The following GALNS variants were observed in gnomAD, a reference collection of about 807,000 sequenced individuals.
The protein encoded by GALNS is galactosamine (N-acetyl)-6-sulfatase.
In GALNS, 65 loss-of-function variants were observed where a neutral mutation model predicts 65.9. The ratio of observed to expected loss-of-function variants is 0.99; its 90% CI spans 0.81 to 1.21. The LOEUF (loss-of-function observed/expected upper bound fraction) is 1.21, where lower values mean the gene tolerates loss of function less well. GALNS is among the 50% of genes most tolerant of loss of function. GALNS has a pLI of 0.00. For missense variants in GALNS, 776 were observed against 700.7 expected (o/e 1.11, Z -1.21); for synonymous variants, 346 against 288.9 (o/e 1.20, Z -2.00).
intron 8 of GALNS, among the ~76,000 whole-genome samples, chr16:88,832,711 T>C (rs1911636821): frequency 6.6e-6 from 1 of 152,198 alleles, no homozygotes; most frequent in African/African-American, 2.4e-5. Context: ...CCTGCTGCTG[T>C]AGCCTGAGCC....
At position 88,824,847 on chromosome 16, in the gene GALNS, C is replaced by A; in HGVS notation, c.1162G>T (p.Asp388Tyr). ...CCGAGGGTGGCCGCCATCAGCGTGT[C>A]GCCACGGTAATAGAAGATAGGCCTG... is the stretch of plus-strand genomic sequence containing the variant. Reference protein sequence around the residue: ...MDRPIFYYRGDTLMAATLGQH... With the variant: ...MDRPIFYYRGYTLMAATLGQH... The change falls in exon 11 of 14, where the codon GAC becomes TAC. Residue 388 changes from aspartate to tyrosine, a missense_variant. By Grantham distance (160) the Asp-to-Tyr change is radical. Coordinates refer to ENST00000268695, the MANE Select transcript of GALNS (RefSeq NM_000512.5). The A allele has an allele frequency of 6.2e-7, 1 of 1,613,274 alleles. No homozygotes were observed. The highest frequency in any genetic ancestry group is 1.1e-5 in the South Asian group (1 of 91,076).
intron 1 of GALNS, among the ~76,000 whole-genome samples, chr16:88,849,521 G>A (rs373909514): frequency 4.3e-4 from 66 of 152,212 alleles, no homozygotes; most frequent in South Asian, 1.7e-3. Flanking sequence ...ACTGACCTCA[G>A]GTGATCCACC....
At chr16:88,833,973 G>GC (rs544168549) in intron 8 of GALNS, among the ~76,000 whole-genome samples, 2 of 152,098 alleles carry the variant, frequency 1.3e-5, no homozygotes, top group Non-Finnish European at 2.9e-5. Flanking sequence ...GTCGAGGTGG[G>GC]CCCCCCCGGG....
chr16:88,822,514 G>C, intron 12 of GALNS, 75 bp downstream of exon 12: 1 of 1,590,678 alleles, frequency 6.3e-7, no homozygotes, highest in Non-Finnish European at 8.6e-7. Context: ...AGAGGGCTCT[G>C]TCCCTGTGGA....
At chr16:88,833,759 GCTTT>G (rs1404295991) in intron 8 of GALNS, among the ~76,000 whole-genome samples, 3 of 152,176 alleles carry the variant, frequency 2.0e-5, no homozygotes, top group Non-Finnish European at 4.4e-5. Flanking sequence ...CCCCTCCCCT[GCTTT>G]CTTTCTCTGG....
intron 8 of GALNS, among the ~76,000 whole-genome samples, chr16:88,833,777 G>GT (rs1567528646): frequency 6.6e-6 from 1 of 152,228 alleles, no homozygotes; most frequent in Non-Finnish European, 1.5e-5. Context: ...TCTCTGGGAT[G>GT]TTCTGTTTCT....
At chr16:88,825,418 G>A (rs1910766493) in intron 10 of GALNS, among the ~76,000 whole-genome samples, 1 of 141,534 alleles carries the variant, frequency 7.1e-6, no homozygotes, top group Non-Finnish European at 1.5e-5. Context: ...CTGGGTGTCT[G>A]GGGTGCCTGG....
intron 13 of GALNS, chr16:88,817,235 C>G (rs1355259784): frequency 3.1e-6 from 3 of 968,758 alleles, no homozygotes; most frequent in South Asian, 4.8e-5. Flanking sequence ...GCTGCGGCCC[C>G]CAGGGCTGGA....
At chr16:88,851,853 G>A (rs58334835) in intron 1 of GALNS, among the ~76,000 whole-genome samples, 1 of 152,260 alleles carries the variant, frequency 6.6e-6, no homozygotes, top group African/African-American at 2.4e-5. Context: ...CAAAGCGGCA[G>A]GGAAGCTCGA....
At chr16:88,844,333 G>C (rs1473121656) in intron 1 of GALNS, 1 of 152,196 alleles carries the variant, frequency 6.6e-6, no homozygotes, top group Non-Finnish European at 1.5e-5. Flanking sequence ...AAATTTTACA[G>C]TGTGTATTGT....
intron 13 of GALNS, chr16:88,816,324 T>G: frequency 2.0e-6 from 2 of 985,172 alleles, no homozygotes; most frequent in African/African-American, 1.7e-5. Context: ...GGAGTGGGAT[T>G]GGGTGTGGAA....
chr16:88,816,000 AGGGAAGG>A, intron 13 of GALNS: 8 of 985,288 alleles, frequency 8.1e-6, no homozygotes, highest in Non-Finnish European at 9.6e-6. Context: ...GACAGAGGGC[AGGGAAGG>A]GGTAAGGAGG....
Position 88,838,306 on chromosome 16 carries a change from T to TG in GALNS, c.423-542dup, listed in dbSNP as rs1912353763. 2.6e-5 allele frequency among the ~76,000 whole-genome samples: 4 copies of TG among 152,214 alleles called. No homozygotes were observed. The South Asian group carries it at 8.3e-4, about 32-fold the overall frequency. ...CGACTGGGCGGGGCGTTGTGTGCCGTGCGGGAGCCCCGGGGCCTGCCAGCT... is the reference window on the plus strand; with the variant it reads ...CGACTGGGCGGGGCGTTGTGTGCCGTGGCGGGAGCCCCGGGGCCTGCCAGCT... On this transcript the variant is annotated intron_variant, in intron 4 of 13. Coordinates refer to ENST00000268695, the MANE Select transcript of GALNS (RefSeq NM_000512.5).
At chr16:88,818,752 T>G (rs1053627297) in intron 12 of GALNS, among the ~76,000 whole-genome samples, 1 of 152,262 alleles carries the variant, frequency 6.6e-6, no homozygotes, top group Non-Finnish European at 1.5e-5. Flanking sequence ...GCACAGATGA[T>G]GCCTTTTCAC....
In GALNS at chr16:88,842,071, C is replaced by G. The variant is rs1028496429; in HGVS notation, c.245-100G>C. 3 of 1,041,130 alleles carry G rather than the reference C, an allele frequency of 2.9e-6. No individual in the cohort carries two copies. In the African/African-American group the frequency reaches 4.7e-5, roughly 16 times the overall value. 64.5% of individuals were successfully genotyped at this position (1,041,130 alleles called of 1,614,324 possible). On this transcript the variant is annotated intron_variant, in intron 2 of 13. Transcript: ENST00000268695. ...AACGAGTAGACAGACGCGTGACAGA[C>G]GAGGCACGCGCAGGTTTACAAGGGG... is the stretch of plus-strand genomic sequence containing the variant.
chr16:88,837,863 G>T, intron 4 of GALNS, 98 bp from the exon 5 acceptor site: 1 of 1,302,650 alleles, frequency 7.7e-7, no homozygotes, highest in Non-Finnish European at 1.1e-6. Flanking sequence ...TTCTTGGTAA[G>T]ACGAGCACCC....
chr16:88,820,532 G>C (rs1490426510), intron 12 of GALNS, among the ~76,000 whole-genome samples: 4 of 152,228 alleles, frequency 2.6e-5, no homozygotes, highest in African/African-American at 9.6e-5. Flanking sequence ...TGTGACCTCA[G>C]GGACAGTGGT....
At position 88,814,508 on chromosome 16, in the gene GALNS, G is replaced by C; in HGVS notation, c.1500C>G (p.Gly500=). ...NWAVMNWAPP[G]CEKLGKCLTP... is the part of the protein sequence containing the mutation. ...TCAGACACTTCCCTAACTTTTCACA[G>C]CCCGGAGGTGCCCAGTTCTGGGAAA... Residue 500 remains glycine (G), a synonymous_variant, in exon 14 of 14, where the codon GGC becomes GGG. Coordinates refer to ENST00000268695, the MANE Select transcript of GALNS (RefSeq NM_000512.5). The C allele has an allele frequency of 6.4e-7, 1 of 1,557,604 alleles. No homozygotes were observed. Among genetic ancestry groups the C allele is most frequent in the Non-Finnish European group, 8.7e-7 (1 of 1,150,098 alleles).
At chr16:88,837,982 C>T (rs1912321356) in intron 4 of GALNS, 1 of 560,008 alleles carries the variant, frequency 1.8e-6, no homozygotes, top group Admixed American at 3.0e-5. Flanking sequence ...CGTCTGGGCA[C>T]AACCGAGGGC....
Sources: gnomAD v4.1 joint callset for allele counts (sites outside exome capture counted in the v4.1 genomes callset) on GRCh38, gnomAD v4.1.1 for gene constraint, MANE v1.5 for transcripts, NCBI Gene and HGNC (gene_info 2026-07-23, HGNC 2026-07-21) for gene names.